The following FANCA variants were observed in gnomAD, a reference collection of about 807,000 sequenced individuals.
FANCA encodes the protein FA complementation group A.
Under a neutral mutation model 194.3 loss-of-function variants are expected in FANCA, and 236 were observed. That is an observed-to-expected ratio of 1.21 (90% CI 1.09 to 1.35). The LOEUF (loss-of-function observed/expected upper bound fraction) is 1.35. FANCA is among the 40% of genes most tolerant of loss of function. The probability of loss-of-function intolerance (pLI) is 0.00; values close to 1 mark genes in which losing one functional copy is unlikely to be tolerated. For synonymous variants in FANCA, 1,014 were observed against 715.8 expected, an observed-to-expected ratio of 1.42 and a Z score of -6.65; for missense variants, 2,628 against 1,813.9, an observed-to-expected ratio of 1.45 and a Z score of -8.15.
chr16:89,752,764 C>T (rs1321594446), intron 30 of FANCA, among the ~76,000 whole-genome samples: 1 of 152,200 alleles, frequency 6.6e-6, no homozygotes. Flanking sequence ...CCAGAGGGCT[C>T]CTTGGTCTAG....
At chr16:89,800,903 G>C (rs2040424120) in intron 8 of FANCA, among the ~76,000 whole-genome samples, 1 of 151,762 alleles carries the variant, frequency 6.6e-6, no homozygotes. Flanking sequence ...TGCGGTGGCG[G>C]GTGTCTATAG....
Position 89,791,958 on chromosome 16 carries a change from G to A in FANCA, c.1194C>T (p.Val398=), listed in dbSNP as rs1158857420. Residue 398 remains valine, a synonymous_variant, in exon 13 of 43, where the codon GTC becomes GTT. Coordinates refer to ENST00000389301, the MANE Select transcript of FANCA (RefSeq NM_000135.4). ...RVLSFVSALV[V]CFPEAQQLLE... The stretch of plus-strand genomic sequence containing the variant: ...GCAGCTGCTGCGCTTCTGGAAAGCA[G>A]ACAACCAGGGCAGACACAAAGGAGA... The A allele has an allele frequency of 9.9e-6, 16 of 1,614,048 alleles. No individual in the cohort carries two copies. Among genetic ancestry groups the A allele is most frequent in the East Asian group, 8.9e-5 (4 of 44,896 alleles).
rs1293481487 is a variant in FANCA at position 89,738,566 on chromosome 16, A to G, written c.*35T>C. ...GTTATGCTTGTAATAAATTATTTAC[A>G]CGGGAGCTGGGCTGGTGTGCAGTGG... On this transcript the variant is annotated 3_prime_UTR_variant, in exon 43 of 43. Coordinates refer to ENST00000389301, the MANE Select transcript of FANCA (RefSeq NM_000135.4). The G allele has an allele frequency of 1.2e-6, 2 of 1,612,752 alleles. No homozygotes were observed. Among genetic ancestry groups the G allele is most frequent in the Non-Finnish European group, 1.7e-6 (2 of 1,179,990 alleles).
chr16:89,792,910 T>TA (rs1301628469), intron 11 of FANCA, among the ~76,000 whole-genome samples: 2 of 152,086 alleles, frequency 1.3e-5, no homozygotes, highest in African/African-American at 4.8e-5. Context: ...GGAGAGGAGA[T>TA]AGAGACAAAG....
intron 28 of FANCA, among the ~76,000 whole-genome samples, chr16:89,763,686 C>G (rs1408292812): frequency 6.6e-6 from 1 of 152,032 alleles, no homozygotes; most frequent in Non-Finnish European, 1.5e-5. Context: ...CACCTGTAAT[C>G]CCAGCACTTT....
rs62054605 is a variant in FANCA, at chr16:89,745,793, T to C, written c.3514-722A>G. On this transcript the variant is annotated intron_variant, in intron 35 of 42. Transcript: ENST00000389301. ...CGAAACAGTGAAGGGACCACACTCC[T>C]CTGAGCTGGGAACGAAACAGTGAAG... 5.8e-3 allele frequency among the ~76,000 whole-genome samples: 766 copies of C among 132,510 alleles called. 8 individuals carry two copies. Among genetic ancestry groups the C allele is most frequent in the East Asian group, 0.014 (42 of 3,000 alleles). 86.9% of individuals were successfully genotyped at this position (132,510 alleles called of 152,430 possible). A position where few individuals can be genotyped will look rare whatever the true frequency, so the allele number is the denominator to read the frequency against.
At chr16:89,740,914 TGTC>T in intron 37 of FANCA, 48 bp from the exon 38 acceptor site, 1 of 1,511,688 alleles carries the variant, frequency 6.6e-7, no homozygotes, top group Non-Finnish European at 9.1e-7. Context: ...TTACCTGTGC[TGTC>T]ATTCTAAATA....
At chr16:89,791,681 G>A in intron 13 of FANCA, 145 bp from the exon 14 acceptor site, 5 of 1,218,446 alleles carry the variant, frequency 4.1e-6, no homozygotes, top group Middle Eastern at 2.7e-4. Flanking sequence ...AGCAATTACA[G>A]CATGTCAAGT....
rs765728284 is a variant in FANCA, at chr16:89,738,223, G to A, written c.*378C>T. 23 of 1,608,198 alleles carry A rather than the reference G, an allele frequency of 1.4e-5. 1 individual carries two copies. The Middle Eastern group carries it at 3.0e-3, about 207-fold the overall frequency. ...CCCCTCTGTGACCACAGAGGGCCAG[G>A]CGGTGAAGCCCGAACCCACCTGAGG... On this transcript the variant is annotated 3_prime_UTR_variant, in exon 43 of 43. Transcript: ENST00000389301.
intron 28 of FANCA, among the ~76,000 whole-genome samples, chr16:89,763,928 A>G (rs1390129624): frequency 7.0e-6 from 1 of 143,264 alleles, no homozygotes; most frequent in Non-Finnish European, 1.5e-5. Context: ...CAGAAAAAAA[A>G]AACAAAACAA....
At chr16:89,772,511 A>AAT (rs1419224225) in intron 22 of FANCA, among the ~76,000 whole-genome samples, 3 of 151,234 alleles carry the variant, frequency 2.0e-5, no homozygotes, top group East Asian at 1.9e-4. Context: ...GTCTCAAAAA[A>AAT]ATATATATAT....
chr16:89,793,908 G>A (rs1016850709), intron 11 of FANCA, among the ~76,000 whole-genome samples: 39 of 152,066 alleles, frequency 2.6e-4, no homozygotes, highest in African/African-American at 8.2e-4. Context: ...CCACCACCAC[G>A]CCCGGCTAAT....
chr16:89,758,593 T>TCAGTG lies in FANCA; in HGVS notation c.2960_2964dup (p.Met989HisfsTer2). ...GCTGCTAACCTTTGGTGGAAATCCA[T>TCAGTG]CAGTGCGTTGACAAGAATGGTACAC... On this transcript the variant is annotated frameshift_variant, in exon 30 of 43. Coordinates refer to ENST00000389301, the MANE Select transcript of FANCA (RefSeq NM_000135.4). LOFTEE classifies it high-confidence loss of function. 1 of 1,613,814 alleles carries TCAGTG rather than the reference T, an allele frequency of 6.2e-7. No homozygotes were observed. Among genetic ancestry groups the TCAGTG allele is most frequent in the Non-Finnish European group, 8.5e-7 (1 of 1,179,802 alleles).
At chr16:89,791,043 TTTTTTG>T in intron 14 of FANCA, 4 of 178,318 alleles carry the variant, frequency 2.2e-5, no homozygotes, top group South Asian at 1.3e-4. Context: ...TTTTTTTTTT[TTTTTTG>T]GTGGAGATGA....
intron 27 of FANCA, among the ~76,000 whole-genome samples, chr16:89,765,754 C>T (rs985766832): frequency 1.3e-5 from 2 of 152,270 alleles, no homozygotes; most frequent in African/African-American, 4.8e-5. Context: ...CGTCCCTGCT[C>T]AGCATGCTGG....
chr16:89,768,710 A>G (rs11641220), intron 26 of FANCA, among the ~76,000 whole-genome samples: 2,453 of 152,184 alleles, frequency 0.016, 41 homozygotes, highest in Non-Finnish European at 0.02. Context: ...CACACCAAAT[A>G]TATATTTCAT....
At chr16:89,792,659 A>T (rs1184873178) in intron 11 of FANCA, 112 bp from the exon 12 acceptor site, 1 of 812,198 alleles carries the variant, frequency 1.2e-6, no homozygotes. Flanking sequence ...TGCGGCGACG[A>T]GAGAGTGTAG....
chr16:89,765,573 G>A (rs538042167), intron 27 of FANCA, among the ~76,000 whole-genome samples: 2 of 152,374 alleles, frequency 1.3e-5, no homozygotes, highest in African/African-American at 4.8e-5. Context: ...TTTGGTCCCG[G>A]GCAGTGAAAC....
At chr16:89,768,548 C>T (rs2039208543) in intron 26 of FANCA, among the ~76,000 whole-genome samples, 1 of 152,000 alleles carries the variant, frequency 6.6e-6, no homozygotes, top group Non-Finnish European at 1.5e-5. Context: ...CTCAGCTACT[C>T]AGGAAGCTGA....
Sources: gnomAD v4.1 joint callset for allele counts (sites outside exome capture counted in the v4.1 genomes callset) on GRCh38, gnomAD v4.1.1 for gene constraint, MANE v1.5 for transcripts, NCBI Gene and HGNC (gene_info 2026-07-23, HGNC 2026-07-21) for gene names.